The following ASTN2 variants were observed in gnomAD, a reference collection of about 807,000 sequenced individuals.
The protein encoded by ASTN2 is astrotactin-2.
Under a neutral mutation model 139.8 loss-of-function variants are expected in ASTN2, and 54 were observed. The ratio of observed to expected loss-of-function variants is 0.39; its 90% CI spans 0.31 to 0.48. The LOEUF (loss-of-function observed/expected upper bound fraction) is 0.48. Among genes scored for constraint, ASTN2 ranks in the 20% least tolerant of loss-of-function variants. The pLI, the probability that ASTN2 is intolerant of heterozygous loss-of-function variation, is 0.95. For missense variants in ASTN2, 1,565 were observed against 1,725.1 expected, an observed-to-expected ratio of 0.91 and a Z score of 1.64; for synonymous variants, 756 against 719.5, an observed-to-expected ratio of 1.05 and a Z score of -0.81.
intron 6 of ASTN2, among the ~76,000 whole-genome samples, chr9:117,016,632 A>ATATATATATATAACC (rs1837698946): frequency 1.1e-4 from 2 of 17,484 alleles, no homozygotes; most frequent in Non-Finnish European, 2.6e-4. Context: ...ATCTATATAT[A>ATATATATATATAACC]TATATATATA....
chr9:116,614,499 G>A lies in ASTN2; in HGVS notation c.3355+3825C>T, dbSNP rs529208329. 3.7e-4 allele frequency among the ~76,000 whole-genome samples: 56 copies of A among 152,032 alleles called. 1 individual carries two copies. The highest frequency in any genetic ancestry group is 2.5e-4 in the Non-Finnish European group (17 of 67,950). On this transcript the variant is annotated intron_variant, in intron 19 of 22. Transcript: ENST00000313400. ...ACTAAAAGGCTACAGTAACCAAAAC[G>A]GCATGGTACTGGTACCAAAACAGAG...
chr9:117,082,046 C>T (rs944165835), intron 5 of ASTN2, among the ~76,000 whole-genome samples: 1 of 152,146 alleles, frequency 6.6e-6, no homozygotes, highest in Admixed American at 6.5e-5. Flanking sequence ...TTCTTTGAAG[C>T]TGCTATGTTT....
intron 11 of ASTN2, among the ~76,000 whole-genome samples, chr9:116,821,726 T>C (rs1487410749): frequency 6.6e-6 from 1 of 152,054 alleles, no homozygotes; most frequent in Non-Finnish European, 1.5e-5. Flanking sequence ...GCCCTCCCCA[T>C]AGCCCTCTGG....
At chr9:116,970,124 A>G (rs1473713302) in intron 10 of ASTN2, among the ~76,000 whole-genome samples, 1 of 152,140 alleles carries the variant, frequency 6.6e-6, no homozygotes, top group Non-Finnish European at 1.5e-5. Context: ...CTTCTTTCTT[A>G]TAAGGGTACT....
At position 116,729,064 on chromosome 9, in the gene ASTN2, G is replaced by A. The variant is rs200102968; in HGVS notation, c.2554C>T (p.Pro852Ser). 6.4e-5 allele frequency: 102 copies of A among 1,596,278 alleles called. No individual in the cohort carries two copies. The highest frequency in any genetic ancestry group is 1.4e-4 in the Admixed American group (8 of 57,820). The change falls in exon 15 of 23, where the codon CCC becomes TCC. Residue 852 changes from proline to serine, a missense_variant. Physicochemically the swap from Pro to Ser is moderately conservative, Grantham distance 74 (BLOSUM62 -1). Coordinates refer to ENST00000313400, the MANE Select transcript of ASTN2 (RefSeq NM_001365068.1). ...DIRYDEAMGY[P>S]MVQQWRVRSN... is the part of the protein sequence containing the mutation. Reference sequence around the variant, plus strand: ...CGGACCCGCCACTGCTGCACCATGGGGTAACCCATGGCCTCATCATACCTG... The same window carrying A: ...CGGACCCGCCACTGCTGCACCATGGAGTAACCCATGGCCTCATCATACCTG...
At chr9:117,363,206 C>T (rs930011674) in intron 1 of ASTN2, among the ~76,000 whole-genome samples, 2 of 152,124 alleles carry the variant, frequency 1.3e-5, no homozygotes, top group Non-Finnish European at 2.9e-5. Context: ...GATGTAACAC[C>T]GAAGGTCCAT....
intron 13 of ASTN2, among the ~76,000 whole-genome samples, chr9:116,793,344 C>T (rs1021023998): frequency 6.6e-6 from 1 of 152,186 alleles, no homozygotes; most frequent in Non-Finnish European, 1.5e-5. Flanking sequence ...AACACATATT[C>T]AGCAGGAACG....
intron 19 of ASTN2, among the ~76,000 whole-genome samples, chr9:116,489,809 G>A (rs1285508810): frequency 6.6e-6 from 1 of 152,138 alleles, no homozygotes. Context: ...CTGTTTCTTG[G>A]TTTCTATTTT....
chr9:116,944,265 G>A (rs770451572), intron 10 of ASTN2, among the ~76,000 whole-genome samples: 3 of 92,128 alleles, frequency 3.3e-5, no homozygotes, highest in African/African-American at 1.3e-4. Context: ...TCCATGTGAT[G>A]GAGAGATCTA....
chr9:117,188,673 C>T (rs556567369), intron 3 of ASTN2, among the ~76,000 whole-genome samples: 4 of 152,236 alleles, frequency 2.6e-5, no homozygotes, highest in South Asian at 2.1e-4. Flanking sequence ...ATTCATTCCA[C>T]GGATGAGAAA....
chr9:117,392,192 A>G (rs1830559619), intron 1 of ASTN2, among the ~76,000 whole-genome samples: 1 of 152,218 alleles, frequency 6.6e-6, no homozygotes, highest in Non-Finnish European at 1.5e-5. Context: ...TTAGGAAACT[A>G]TTGAATTATA....
intron 1 of ASTN2, among the ~76,000 whole-genome samples, chr9:117,363,504 C>A (rs984504869): frequency 6.6e-6 from 1 of 152,062 alleles, no homozygotes. Flanking sequence ...TCTAACCTCC[C>A]GCCTCCCTTT....
At chr9:117,092,465 C>G (rs1828730296) in intron 5 of ASTN2, among the ~76,000 whole-genome samples, 1 of 152,156 alleles carries the variant, frequency 6.6e-6, no homozygotes, top group Non-Finnish European at 1.5e-5. Flanking sequence ...AATCACTGTT[C>G]CTGTCACACA....
intron 1 of ASTN2, among the ~76,000 whole-genome samples, chr9:117,326,941 C>T (rs1018092746): frequency 1.3e-5 from 2 of 152,092 alleles, no homozygotes; most frequent in African/African-American, 4.8e-5. Context: ...GGACGTAGAG[C>T]AATGGTCCCC....
Position 116,892,473 on chromosome 9 carries a change from G to T in ASTN2, c.1890-28740C>A, listed in dbSNP as rs955103817. Among the ~76,000 whole-genome samples, 10 of 152,174 alleles carry T rather than the reference G, an allele frequency of 6.6e-5. 1 individual carries two copies. The highest frequency in any genetic ancestry group is 2.2e-4 in the African/African-American group (9 of 41,426). On this transcript the variant is annotated intron_variant, in intron 10 of 22. Transcript: ENST00000313400. Reference sequence around the variant, plus strand: ...AATTGTTGACCTGGCTGGTGAGAGTGGGTGGGGTGGCTGGGAGCTGGTTGC... The same window carrying T: ...AATTGTTGACCTGGCTGGTGAGAGTTGGTGGGGTGGCTGGGAGCTGGTTGC...
intron 2 of ASTN2, among the ~76,000 whole-genome samples, chr9:117,259,268 C>G (rs548158034): frequency 2.7e-4 from 41 of 152,254 alleles, no homozygotes; most frequent in Admixed American, 1.3e-3. Context: ...ATTCACTCAT[C>G]CCTGCTTTCA....
At chr9:116,534,517 C>CT (rs1440089127) in intron 19 of ASTN2, among the ~76,000 whole-genome samples, 2 of 152,142 alleles carry the variant, frequency 1.3e-5, no homozygotes, top group Non-Finnish European at 2.9e-5. Context: ...AAATCTCCCT[C>CT]ACACACTGCT....
At chr9:117,135,045 C>A (rs1829917739) in intron 4 of ASTN2, among the ~76,000 whole-genome samples, 2 of 152,184 alleles carry the variant, frequency 1.3e-5, no homozygotes, top group African/African-American at 4.8e-5. Flanking sequence ...CTCCTGAACA[C>A]CCTCACAGCA....
At chr9:117,198,634 A>G (rs1028999383) in intron 3 of ASTN2, among the ~76,000 whole-genome samples, 1 of 152,130 alleles carries the variant, frequency 6.6e-6, no homozygotes, top group Non-Finnish European at 1.5e-5. Flanking sequence ...AATGATTTAT[A>G]TTCCTTTGGG....
Sources: gnomAD v4.1 joint callset for allele counts (sites outside exome capture counted in the v4.1 genomes callset) on GRCh38, gnomAD v4.1.1 for gene constraint, MANE v1.5 for transcripts, NCBI Gene and HGNC (gene_info 2026-07-23, HGNC 2026-07-21) for gene names.